Variants in IL1RAPL1 observed in about 807,000 individuals in gnomAD.
IL1RAPL1 encodes interleukin-1 receptor accessory protein-like 1.
Under a neutral mutation model 48.4 loss-of-function variants are expected in IL1RAPL1, and 3 were observed. The ratio of observed to expected loss-of-function variants is 0.06; its 90% CI spans 0.03 to 0.16. The LOEUF is 0.16. IL1RAPL1 is among the 10% of genes least tolerant of loss of function. The pLI is 1.00. For missense variants in IL1RAPL1, 349 were observed against 530.6 expected (o/e 0.66, Z 3.36); for synonymous variants, 185 against 187.7 (o/e 0.99, Z 0.12).
chrX:28,783,646 A>G (rs1459548737), intron 1 of IL1RAPL1, among the ~76,000 whole-genome samples: 1 of 111,714 alleles, frequency 9.0e-6, no homozygotes, highest in African/African-American at 3.3e-5. Context: ...TAGATTGTCA[A>G]GTATTTAGCT....
At chrX:28,870,463 C>A (rs1030662853) in intron 2 of IL1RAPL1, among the ~76,000 whole-genome samples, 3 of 111,432 alleles carry the variant, frequency 2.7e-5, no homozygotes, top group Non-Finnish European at 5.7e-5. Flanking sequence ...CACCAAATAA[C>A]AACTTCCTTG....
At chrX:29,206,042 C>T (rs761470155) in intron 2 of IL1RAPL1, among the ~76,000 whole-genome samples, 3 of 110,881 alleles carry the variant, frequency 2.7e-5, no homozygotes, top group Non-Finnish European at 5.7e-5. Context: ...TGCGCCTGGC[C>T]GATATTAGTT....
At chrX:29,883,748 T>C (rs981651839) in intron 6 of IL1RAPL1, among the ~76,000 whole-genome samples, 1 of 112,290 alleles carries the variant, frequency 8.9e-6, no homozygotes, top group African/African-American at 3.2e-5. Flanking sequence ...TTTTCTGCCA[T>C]AATGCAGCAA....
chrX:28,963,007 C>G (rs778253933), intron 2 of IL1RAPL1, among the ~76,000 whole-genome samples: 1 of 109,893 alleles, frequency 9.1e-6, no homozygotes, highest in South Asian at 3.9e-4. Context: ...CCCTCACTTA[C>G]TTAGAGTGCT....
intron 2 of IL1RAPL1, among the ~76,000 whole-genome samples, chrX:28,944,589 T>C (rs1027774236): frequency 8.1e-5 from 9 of 111,067 alleles, no homozygotes; most frequent in East Asian, 2.8e-4. Flanking sequence ...TTTTGTTCTG[T>C]TCACAATTTT....
At chrX:29,319,120 C>A (rs1044208332) in intron 3 of IL1RAPL1, among the ~76,000 whole-genome samples, 1 of 92,280 alleles carries the variant, frequency 1.1e-5, no homozygotes, top group Admixed American at 1.3e-4. Context: ...ATATTAGACA[C>A]ACAGATACAC....
chrX:29,310,129 A>G (rs1932697201), intron 3 of IL1RAPL1, among the ~76,000 whole-genome samples: 1 of 45,959 alleles, frequency 2.2e-5, no homozygotes, highest in Non-Finnish European at 4.5e-5. Flanking sequence ...AAAAAAAAAA[A>G]GAAAGGAAAA....
intron 9 of IL1RAPL1, 54 bp downstream of exon 9, chrX:29,941,848 T>C: frequency 8.8e-7 from 1 of 1,133,906 alleles, no homozygotes; most frequent in Admixed American, 2.2e-5. Context: ...TTCTTTCTTG[T>C]CTTTGTTTTA....
At chrX:28,713,708 A>G in intron 1 of IL1RAPL1, among the ~76,000 whole-genome samples, 1 of 111,481 alleles carries the variant, frequency 9.0e-6, no homozygotes, top group Non-Finnish European at 1.9e-5. Flanking sequence ...AAACTCATAC[A>G]TGATATTTTG....
intron 6 of IL1RAPL1, among the ~76,000 whole-genome samples, chrX:29,812,881 C>G (rs1182899352): frequency 9.0e-6 from 1 of 110,896 alleles, no homozygotes; most frequent in Non-Finnish European, 1.9e-5. Flanking sequence ...ATAGATATAA[C>G]CTTACCAATT....
chrX:29,825,910 C>T (rs752716496), intron 6 of IL1RAPL1, among the ~76,000 whole-genome samples: 3 of 110,938 alleles, frequency 2.7e-5, no homozygotes, highest in Admixed American at 9.6e-5. Context: ...ATGTAGTTCG[C>T]CGACTCGGGT....
intron 6 of IL1RAPL1, among the ~76,000 whole-genome samples, chrX:29,839,228 CTGCTCATCTCATA>C (rs1931081729): frequency 1.8e-5 from 2 of 112,082 alleles, no homozygotes; most frequent in Non-Finnish European, 3.8e-5. Flanking sequence ...GGCCCAGTTG[CTGCTCATCTCATA>C]GAGTTGTTGT....
intron 2 of IL1RAPL1, among the ~76,000 whole-genome samples, chrX:29,024,535 A>G (rs1427341992): frequency 8.9e-6 from 1 of 111,930 alleles, no homozygotes; most frequent in African/African-American, 3.2e-5. Flanking sequence ...GCAAAATTAC[A>G]TTGGGTTATT....
At chrX:29,874,947 A>G (rs1029642413) in intron 6 of IL1RAPL1, among the ~76,000 whole-genome samples, 17 of 111,722 alleles carry the variant, frequency 1.5e-4, no homozygotes, top group Non-Finnish European at 3.0e-4. Flanking sequence ...ATTCCTTTCC[A>G]TTGTTTCTGT....
chrX:28,771,293 T>TTAGA (rs1179752298), intron 1 of IL1RAPL1, among the ~76,000 whole-genome samples: 1 of 112,184 alleles, frequency 8.9e-6, no homozygotes, highest in Admixed American at 9.5e-5. Context: ...TGTTACTTAA[T>TTAGA]TAGAATCTGC....
chrX:29,356,769 T>C (rs1317858554), intron 3 of IL1RAPL1, among the ~76,000 whole-genome samples: 1 of 111,069 alleles, frequency 9.0e-6, no homozygotes, highest in Non-Finnish European at 1.9e-5. Flanking sequence ...AGAATTTCTC[T>C]GAGATATACA....
At chrX:29,246,055 C>T (rs949499787) in intron 2 of IL1RAPL1, among the ~76,000 whole-genome samples, 2 of 104,716 alleles carry the variant, frequency 1.9e-5, no homozygotes, top group Non-Finnish European at 3.9e-5. Context: ...GATTCTGCAC[C>T]GTAGTACTTT....
intron 2 of IL1RAPL1, among the ~76,000 whole-genome samples, chrX:28,940,378 A>G (rs769005904): frequency 1.8e-5 from 2 of 111,588 alleles, no homozygotes; most frequent in African/African-American, 3.2e-5. Context: ...ATTTGAATTG[A>G]TTTAACCAGT....
intron 2 of IL1RAPL1, among the ~76,000 whole-genome samples, chrX:28,815,321 T>C (rs1936850179): frequency 9.5e-6 from 1 of 105,166 alleles, no homozygotes; most frequent in South Asian, 3.8e-4. Context: ...TAGATTGATG[T>C]TTTTTCTTTT....
Sources: allele counts gnomAD v4.1 joint callset (sites outside exome capture counted in the v4.1 genomes callset), GRCh38; gene constraint gnomAD v4.1.1; transcripts MANE v1.5; gene names NCBI Gene and HGNC (gene_info 2026-07-23, HGNC 2026-07-21).